Variants in SYNE1 observed in about 807,000 individuals in gnomAD.
The protein encoded by SYNE1 is nesprin-1.
In SYNE1, 616 loss-of-function variants were observed where a neutral mutation model predicts 1,111.0. That is an observed-to-expected ratio of 0.55 (90% CI 0.52 to 0.59). The LOEUF is 0.59. Among genes scored for constraint, SYNE1 ranks in the 20% least tolerant of loss-of-function variants. The pLI, the probability that SYNE1 is intolerant of heterozygous loss-of-function variation, is 0.00. For missense variants in SYNE1, 10,006 were observed against 10,417.0 expected (o/e 0.96, Z 1.72); for synonymous variants, 3,855 against 3,825.8 (o/e 1.01, Z -0.28).
intron 101 of SYNE1, 139 bp from the exon 102 acceptor site, chr6:152,256,904 C>T: frequency 7.7e-7 from 1 of 1,304,904 alleles, no homozygotes; most frequent in South Asian, 1.2e-5. Context: ...ACTTCTACAA[C>T]ATACCATGTC....
chr6:152,596,736 G>A (rs2085289564), intron 3 of SYNE1, among the ~76,000 whole-genome samples: 1 of 152,122 alleles, frequency 6.6e-6, no homozygotes, highest in Non-Finnish European at 1.5e-5. Context: ...GTTAACGATG[G>A]TATTCACAAA....
At chr6:152,420,766 G>A (rs374899508) in intron 39 of SYNE1, among the ~76,000 whole-genome samples, 14 of 148,774 alleles carry the variant, frequency 9.4e-5, no homozygotes, top group East Asian at 4.1e-4. Flanking sequence ...TTGAAACATT[G>A]CTGATTCTTT....
At chr6:152,213,315 C>T (rs184795156) in intron 123 of SYNE1, among the ~76,000 whole-genome samples, 33 of 152,294 alleles carry the variant, frequency 2.2e-4, no homozygotes, top group Admixed American at 8.5e-4. Context: ...TATCTATACA[C>T]GTTCCACCAA....
Position 152,215,035 on chromosome 6 carries a change from A to T in SYNE1, c.22217T>A (p.Met7406Lys). ...ATTTAGACGGTCTAAATCTGGAGCCATGCTGCTGAATTTTAACATCTGTCC... is the reference window on the plus strand; with the variant it reads ...ATTTAGACGGTCTAAATCTGGAGCCTTGCTGCTGAATTTTAACATCTGTCC... The part of the protein sequence containing the change: ...LKGQMLKFSS[M>K]APDLDRLNEL... Residue 7406 changes from methionine to lysine, a missense_variant, in exon 122 of 146, where the codon ATG becomes AAG. Coordinates refer to ENST00000367255, the MANE Select transcript of SYNE1 (RefSeq NM_182961.4). The T allele has an allele frequency of 1.2e-6, 2 of 1,614,150 alleles. No homozygotes were observed. Among genetic ancestry groups the T allele is most frequent in the Non-Finnish European group, 8.5e-7 (1 of 1,179,984 alleles).
chr6:152,397,115 C>T, intron 49 of SYNE1, 135 bp from the exon 50 acceptor site: 1 of 824,632 alleles, frequency 1.2e-6, no homozygotes, highest in Non-Finnish European at 2.0e-6. Context: ...ATGATGCATA[C>T]AATTGGGCAC....
intron 77 of SYNE1, among the ~76,000 whole-genome samples, chr6:152,333,349 T>C (rs2096293173): frequency 6.6e-6 from 1 of 152,292 alleles, no homozygotes; most frequent in East Asian, 1.9e-4. Flanking sequence ...ATAGACTTGA[T>C]AAGAAACTAG....
chr6:152,365,067 T>C lies in SYNE1; in HGVS notation c.9973-48A>G, dbSNP rs1372731812. 15 of 1,606,912 alleles carry C rather than the reference T, an allele frequency of 9.3e-6. No homozygotes were observed. The East Asian group carries it at 3.3e-4, about 36-fold the overall frequency. ...CCTTTGTCATTTGTATGTTTAACAT[T>C]GCTGGCTTTAAATATTGCAGAGCTC... On this transcript the variant is annotated intron_variant, in intron 62 of 145. Transcript: ENST00000367255.
At chr6:152,199,755 A>G (rs2075014312) in intron 127 of SYNE1, among the ~76,000 whole-genome samples, 1 of 152,196 alleles carries the variant, frequency 6.6e-6, no homozygotes, top group African/African-American at 2.4e-5. Context: ...CTAACTTCCC[A>G]AGCAATTTAG....
At chr6:152,225,960 T>C (rs747001793) in intron 115 of SYNE1, 84 bp from the exon 116 acceptor site, 435 of 1,406,850 alleles carry the variant, frequency 3.1e-4, no homozygotes, top group Admixed American at 4.8e-4. Flanking sequence ...TATAGTTTCA[T>C]GTCCTAAAAA....
chr6:152,478,208 T>C (rs931011306), intron 14 of SYNE1, among the ~76,000 whole-genome samples: 1 of 152,170 alleles, frequency 6.6e-6, no homozygotes, highest in Middle Eastern at 3.4e-3. Context: ...AAAAGCTTGA[T>C]TGGAATGGAT....
chr6:152,337,983 A>C (rs1276158520), intron 75 of SYNE1, among the ~76,000 whole-genome samples: 1 of 152,010 alleles, frequency 6.6e-6, no homozygotes. Context: ...CCCTTTCTCT[A>C]CTAAAATACC....
intron 90 of SYNE1, among the ~76,000 whole-genome samples, chr6:152,309,607 A>G (rs553250088): frequency 6.6e-6 from 1 of 152,368 alleles, no homozygotes; most frequent in South Asian, 2.1e-4. Context: ...ATTTAAAAAT[A>G]TCACTAAAAG....
At chr6:152,339,482 T>C in intron 74 of SYNE1, 116 bp from the exon 75 acceptor site, 1 of 1,428,974 alleles carries the variant, frequency 7.0e-7, no homozygotes, top group South Asian at 1.2e-5. Flanking sequence ...ATGCTCAGTG[T>C]TTTCACCATT....
chr6:152,503,601 C>T lies in SYNE1; in HGVS notation c.779-859G>A, dbSNP rs143973789. 3.5e-4 allele frequency among the ~76,000 whole-genome samples: 54 copies of T among 152,140 alleles called. 1 individual carries two copies. In the East Asian group the frequency reaches 8.9e-3, roughly 25 times the overall value. ...ATAGAGCAGAAAGCAAACCAAATTG[C>T]CACAATGAAGTATAAAACTAATCTA... On this transcript the variant is annotated intron_variant, in intron 9 of 145. Coordinates refer to ENST00000367255, the MANE Select transcript of SYNE1 (RefSeq NM_182961.4).
At chr6:152,381,769 T>A (rs1317515400) in intron 55 of SYNE1, among the ~76,000 whole-genome samples, 1 of 152,178 alleles carries the variant, frequency 6.6e-6, no homozygotes, top group Non-Finnish European at 1.5e-5. Context: ...TCACGGTCTC[T>A]ATACTCAATT....
intron 27 of SYNE1, among the ~76,000 whole-genome samples, chr6:152,449,853 T>G (rs1039455476): frequency 1.3e-5 from 2 of 152,034 alleles, no homozygotes; most frequent in African/African-American, 4.8e-5. Flanking sequence ...GGCAGGGTGA[T>G]GGGGGAGCTC....
At chr6:152,272,106 G>A (rs900006125) in intron 98 of SYNE1, among the ~76,000 whole-genome samples, 7 of 152,198 alleles carry the variant, frequency 4.6e-5, no homozygotes, top group African/African-American at 1.4e-4. Context: ...CAGATTCTAT[G>A]CGGTTAGACT....
At chr6:152,260,512 G>A (rs544011788) in intron 101 of SYNE1, among the ~76,000 whole-genome samples, 2 of 152,250 alleles carry the variant, frequency 1.3e-5, no homozygotes, top group South Asian at 4.1e-4. Flanking sequence ...GCAGACAGAG[G>A]TAAAGAAGCC....
At chr6:152,447,320 CA>C (rs1564087530) in intron 29 of SYNE1, 137 bp downstream of exon 29, 9 of 966,606 alleles carry the variant, frequency 9.3e-6, no homozygotes, top group Non-Finnish European at 1.2e-5. Context: ...AAGCTTCATA[CA>C]AAAAAAGCAT....
Sources: allele counts gnomAD v4.1 joint callset (sites outside exome capture counted in the v4.1 genomes callset), GRCh38; gene constraint gnomAD v4.1.1; transcripts MANE v1.5; gene names NCBI Gene and HGNC (gene_info 2026-07-23, HGNC 2026-07-21).